GCM1: variants seen among roughly 807,000 people sequenced by gnomAD.
GCM1 encodes chorion-specific transcription factor GCMa.
In GCM1, 2 loss-of-function variants were observed where a neutral mutation model predicts 25.7. That is an observed-to-expected ratio of 0.08 (90% CI 0.03 to 0.24). GCM1 has a LOEUF of 0.24. GCM1 is among the 10% of genes least tolerant of loss of function. GCM1 has a pLI of 1.00. For synonymous variants in GCM1, 183 were observed against 195.7 expected (o/e 0.94, Z 0.54); for missense variants, 395 against 538.7 (o/e 0.73, Z 2.64).
In GCM1 at chr6:53,128,332, A is replaced by G. The variant is rs1763673525; in HGVS notation, c.1185T>C (p.Ser395=). The change falls in exon 6 of 6, where the codon TCT becomes TCC. Residue 395 remains serine (S), a synonymous_variant. Transcript: ENST00000259803. The stretch of plus-strand genomic sequence containing the variant: ...GCAGTGAATATTGCTGATGAGGATG[A>G]GAGGCGTAGGTGAAGAGAAAGGGGT... ...QEDPFLFTYA[S]HPHQQYSLPS... 2 of 1,614,098 alleles carry G rather than the reference A, an allele frequency of 1.2e-6. No individual in the cohort carries two copies. The highest frequency in any genetic ancestry group is 1.7e-6 in the Non-Finnish European group (2 of 1,179,984).
intron 2 of GCM1, among the ~76,000 whole-genome samples, chr6:53,142,870 C>CAAAAAAAAAAAAAA (rs60718730): frequency 1.6e-4 from 6 of 37,532 alleles, no homozygotes; most frequent in African/African-American, 2.1e-4. Flanking sequence ...CAAGGATCTC[C>CAAAAAAAAAAAAAA]AAAAAAAAAA....
Position 53,127,260 on chromosome 6 carries a change from G to C in GCM1, c.*946C>G, listed in dbSNP as rs565986202. 6.6e-6 allele frequency: 1 copy of C among 152,338 alleles called. No homozygotes were observed. Among genetic ancestry groups the C allele is most frequent in the South Asian group, 2.1e-4 (1 of 4,826 alleles). The allele number at this position is 152,338 out of a possible 1,614,324, so 9.4% of individuals were successfully genotyped here. On this transcript the variant is annotated 3_prime_UTR_variant, in exon 6 of 6. Transcript: ENST00000259803. Reference sequence around the variant, plus strand: ...GGCAAGGAGACCACGCACATCACTAGTGTTTCTCTTCATATGGCAATTTAA... The same window carrying C: ...GGCAAGGAGACCACGCACATCACTACTGTTTCTCTTCATATGGCAATTTAA...
intron 2 of GCM1, among the ~76,000 whole-genome samples, chr6:53,134,770 C>T (rs1476609144): frequency 6.6e-6 from 1 of 152,142 alleles, no homozygotes; most frequent in African/African-American, 2.4e-5. Flanking sequence ...GGGTTCAAGA[C>T]CAGCCTGGGC....
At chr6:53,133,380 T>A (rs1405472510) in intron 3 of GCM1, among the ~76,000 whole-genome samples, 1 of 151,396 alleles carries the variant, frequency 6.6e-6, no homozygotes, top group East Asian at 1.9e-4. Context: ...TTAGTAGAGA[T>A]GGGTCTTCAC....
At chr6:53,130,257 A>C (rs1351958542) in intron 5 of GCM1, among the ~76,000 whole-genome samples, 1 of 152,214 alleles carries the variant, frequency 6.6e-6, no homozygotes, top group African/African-American at 2.4e-5. Flanking sequence ...AAATGCAAAA[A>C]AACCTATGAT....
chr6:53,132,984 C>T (rs551837901), intron 3 of GCM1, among the ~76,000 whole-genome samples: 5 of 152,286 alleles, frequency 3.3e-5, no homozygotes, highest in African/African-American at 7.2e-5. Context: ...TATCTCAGCA[C>T]GTGATTATGA....
rs2127507592 is a variant in GCM1, at chr6:53,128,144, G to A, written c.*62C>T. ...TATGTTTTAAAAATTATTTCCTAAGGAAATTCTTTCAGCCCTTCCCCATTT... is the reference window on the plus strand; with the variant it reads ...TATGTTTTAAAAATTATTTCCTAAGAAAATTCTTTCAGCCCTTCCCCATTT... On this transcript the variant is annotated 3_prime_UTR_variant, in exon 6 of 6. Coordinates refer to ENST00000259803, the MANE Select transcript of GCM1 (RefSeq NM_003643.4). 1.6e-6 allele frequency: 2 copies of A among 1,287,552 alleles called. No individual in the cohort carries two copies. The highest frequency in any genetic ancestry group is 2.1e-6 in the Non-Finnish European group (2 of 934,022). The allele number at this position is 1,287,552 out of a possible 1,614,324, so 79.8% of individuals were successfully genotyped here.
chr6:53,140,338 T>C (rs569302151), intron 2 of GCM1, among the ~76,000 whole-genome samples: 8 of 152,292 alleles, frequency 5.3e-5, no homozygotes, highest in African/African-American at 1.9e-4. Context: ...TGGCTTGTTC[T>C]GATTACATGT....
chr6:53,129,893 G>A (rs75296672), intron 5 of GCM1, among the ~76,000 whole-genome samples: 468 of 152,050 alleles, frequency 3.1e-3, no homozygotes, highest in African/African-American at 0.011. Flanking sequence ...TTAGTTAATC[G>A]TTAAAAAAAG....
At chr6:53,140,972 G>A (rs998647580) in intron 2 of GCM1, among the ~76,000 whole-genome samples, 1 of 152,116 alleles carries the variant, frequency 6.6e-6, no homozygotes, top group African/African-American at 2.4e-5. Context: ...ACCTTTCCAA[G>A]TACAAATAAT....
intron 2 of GCM1, among the ~76,000 whole-genome samples, chr6:53,135,669 A>G (rs1182460560): frequency 6.6e-6 from 1 of 152,238 alleles, no homozygotes; most frequent in Non-Finnish European, 1.5e-5. Context: ...GAGACTTAGC[A>G]TGGTGTAAGA....
intron 4 of GCM1, 85 bp from the exon 5 acceptor site, chr6:53,131,016 G>A: frequency 1.0e-5 from 13 of 1,285,594 alleles, no homozygotes; most frequent in Non-Finnish European, 1.4e-5. Context: ...TATTTACTGT[G>A]TGTCCTGCCC....
At chr6:53,133,668 T>G (rs2127508633) in intron 3 of GCM1, among the ~76,000 whole-genome samples, 1 of 152,206 alleles carries the variant, frequency 6.6e-6, no homozygotes, top group Admixed American at 6.5e-5. Context: ...ATTTTTAAAT[T>G]TTTTTGTAGG....
rs200656203 is a variant in GCM1 at position 53,128,469 on chromosome 6, T to C, written c.1048A>G (p.Thr350Ala). The change falls in exon 6 of 6, where the codon ACT (threonine) becomes GCT (alanine). Residue 350 changes from threonine to alanine, a missense_variant. Thr to Ala is a moderately conservative substitution (Grantham distance 58). Coordinates refer to ENST00000259803, the MANE Select transcript of GCM1 (RefSeq NM_003643.4). ...TTTGGCCATAATGGGGGACAGCCAG[T>C]TTTGGCTGCAGGTGGCTCCAATGGA... is the stretch of plus-strand genomic sequence containing the variant. ...QLPLEPPAAKTGCPPLWPNPA... is the reference protein window; with the variant it reads ...QLPLEPPAAKAGCPPLWPNPA... 6.2e-7 allele frequency: 1 copy of C among 1,614,072 alleles called. No homozygotes were observed. The highest frequency in any genetic ancestry group is 8.5e-7 in the Non-Finnish European group (1 of 1,179,970).
rs761753901 is a variant in GCM1, at chr6:53,145,626, G to T, written c.7C>A (p.Pro3Thr). Reference protein sequence around the residue: MEPDDFDSEDKEI... With the variant: METDDFDSEDKEI... ...TTGTCTTCAGAATCAAAGTCGTCAGGTTCCATGATAAGGTCAGGCCAGCCA... is the reference window on the plus strand; with the variant it reads ...TTGTCTTCAGAATCAAAGTCGTCAGTTTCCATGATAAGGTCAGGCCAGCCA... The change falls in exon 2 of 6, where the codon CCT (proline) becomes ACT (threonine). Residue 3 changes from proline to threonine, a missense_variant. Physicochemically the swap from Pro to Thr is conservative, Grantham distance 38. Coordinates refer to ENST00000259803, the MANE Select transcript of GCM1 (RefSeq NM_003643.4). The T allele has an allele frequency of 4.4e-6, 7 of 1,592,916 alleles. No homozygotes were observed. Among genetic ancestry groups the T allele is most frequent in the African/African-American group, 2.7e-5 (2 of 74,446 alleles).
Position 53,134,062 on chromosome 6 carries a change from C to A in GCM1, c.328+10G>T. ...CAGCTTTTTTGCTGGTGCCACTAAG[C>A]TCTACTCACGCTGCTGCTTCTGCCG... On this transcript the variant is annotated intron_variant, in intron 3 of 5. Transcript: ENST00000259803. The A allele has an allele frequency of 6.2e-7, 1 of 1,612,624 alleles. No homozygotes were observed. The highest frequency in any genetic ancestry group is 8.5e-7 in the Non-Finnish European group (1 of 1,178,802).
In GCM1 at chr6:53,128,234, A is replaced by G; in HGVS notation, c.1283T>C (p.Met428Thr). The change falls in exon 6 of 6, where the codon ATG becomes ACG. Residue 428 changes from methionine (M) to threonine (T), a missense_variant. This residue lies in a region of GCM1 where 291 missense variants were observed against 314.6 expected (regional missense o/e 0.92). Coordinates refer to ENST00000259803, the MANE Select transcript of GCM1 (RefSeq NM_003643.4). ...YLGLDHCNND[M>T]LLNLCPLR ...TCTCAAAGGACACAGGTTCAGAAGC[A>G]TATCATTGTTGCAGTGATCCAAACC... 3 of 1,610,262 alleles carry G rather than the reference A, an allele frequency of 1.9e-6. No homozygotes were observed. The South Asian group carries it at 3.3e-5, about 18-fold the overall frequency.
At chr6:53,139,495 C>CAAAAAAAAAAA in intron 2 of GCM1, among the ~76,000 whole-genome samples, 1 of 105,828 alleles carries the variant, frequency 9.4e-6, no homozygotes, top group Non-Finnish European at 1.9e-5. Context: ...ACCCCCATCT[C>CAAAAAAAAAAA]AAAAAAAAAA....
rs762898529 is a variant in GCM1, at chr6:53,128,883, C to T, written c.634G>A (p.Val212Ile). The change falls in exon 6 of 6, where the codon GTC becomes ATC. Residue 212 changes from valine (V) to isoleucine (I), a missense_variant. By Grantham distance (29) the Val-to-Ile change is conservative. Coordinates refer to ENST00000259803, the MANE Select transcript of GCM1 (RefSeq NM_003643.4). Reference sequence around the variant, plus strand: ...CCACTGTAACTACCAGGCAATTGGACGCCTTCCTGGAAAGACCAAGTTAAA... The same window carrying T: ...CCACTGTAACTACCAGGCAATTGGATGCCTTCCTGGAAAGACCAAGTTAAA... ...LPLTWSFQEG[V>I]QLPGSYSGHL... 15 of 1,611,476 alleles carry T rather than the reference C, an allele frequency of 9.3e-6. No homozygotes were observed. Among genetic ancestry groups the T allele is most frequent in the African/African-American group, 6.7e-5 (5 of 74,862 alleles).
Sources: allele counts gnomAD v4.1 joint callset (sites outside exome capture counted in the v4.1 genomes callset), GRCh38; gene constraint gnomAD v4.1.1; regional missense constraint gnomAD v4.1.1; transcripts MANE v1.5; gene names NCBI Gene and HGNC (gene_info 2026-07-23, HGNC 2026-07-21).